Variants in TRPC4 observed in about 807,000 individuals in gnomAD.
The protein encoded by TRPC4 is transient receptor potential cation channel subfamily C member 4.
Under a neutral mutation model 99.4 loss-of-function variants are expected in TRPC4, and 49 were observed. The ratio of observed to expected loss-of-function variants is 0.49; its 90% CI spans 0.39 to 0.63. TRPC4 has a LOEUF of 0.63. TRPC4 is among the 20% of genes least tolerant of loss of function. The pLI is 0.00. For synonymous variants in TRPC4, 454 were observed against 425.9 expected (o/e 1.07, Z -0.81); for missense variants, 898 against 1,152.9 (o/e 0.78, Z 3.20).
intron 3 of TRPC4, among the ~76,000 whole-genome samples, chr13:37,698,647 T>C (rs1382443594): frequency 1.3e-5 from 2 of 152,180 alleles, no homozygotes; most frequent in Non-Finnish European, 2.9e-5. Flanking sequence ...TTCTATGGTG[T>C]AGTTTTAGTA....
chr13:37,682,664 G>A (rs1478852264), intron 4 of TRPC4, among the ~76,000 whole-genome samples: 2 of 152,136 alleles, frequency 1.3e-5, no homozygotes, highest in African/African-American at 2.4e-5. Flanking sequence ...CTCTCCTTCC[G>A]TAATCTGTAA....
At chr13:37,655,057 C>T (rs775199931) in intron 7 of TRPC4, 31 bp downstream of exon 7, 46 of 1,435,240 alleles carry the variant, frequency 3.2e-5, no homozygotes, top group Non-Finnish European at 3.9e-5. Flanking sequence ...CTAGAGGAAA[C>T]ATTGAATTAA....
At chr13:37,663,300 A>G in intron 6 of TRPC4, 116 bp downstream of exon 6, 1 of 972,920 alleles carries the variant, frequency 1.0e-6, no homozygotes, top group Admixed American at 3.2e-5. Flanking sequence ...TGCATTAAGC[A>G]CAATTTTAGT....
chr13:37,690,723 T>C (rs560793984), intron 4 of TRPC4, among the ~76,000 whole-genome samples: 1 of 152,352 alleles, frequency 6.6e-6, no homozygotes, highest in Non-Finnish European at 1.5e-5. Context: ...TCAAATCTTG[T>C]CCCTATTAAC....
Position 37,633,669 on chromosome 13 carries a change from C to G in TRPC4, c.*3234G>C, listed in dbSNP as rs1457838178. ...CTAAAGTATTTCAAGTTGCTGTCTACGTCAAGGCAAGAAAGTGAGTATGTT... is the reference window on the plus strand; with the variant it reads ...CTAAAGTATTTCAAGTTGCTGTCTAGGTCAAGGCAAGAAAGTGAGTATGTT... On this transcript the variant is annotated 3_prime_UTR_variant, in exon 11 of 11. Transcript: ENST00000379705. 6.6e-6 allele frequency among the ~76,000 whole-genome samples: 1 copy of G among 152,046 alleles called. No individual in the cohort carries two copies. Among genetic ancestry groups the G allele is most frequent in the Admixed American group, 6.6e-5 (1 of 15,258 alleles).
At chr13:37,702,086 G>A (rs1337060205) in intron 3 of TRPC4, among the ~76,000 whole-genome samples, 1 of 152,102 alleles carries the variant, frequency 6.6e-6, no homozygotes, top group Non-Finnish European at 1.5e-5. Flanking sequence ...TGAATTCAAG[G>A]CATTCCTTGG....
chr13:37,691,790 G>C (rs773726236), intron 4 of TRPC4, among the ~76,000 whole-genome samples: 18 of 152,182 alleles, frequency 1.2e-4, no homozygotes, highest in Non-Finnish European at 1.6e-4. Flanking sequence ...TAAAATTTAA[G>C]GTTACGTTTC....
intron 1 of TRPC4, among the ~76,000 whole-genome samples, chr13:37,784,595 A>G (rs1288342726): frequency 6.6e-6 from 1 of 152,090 alleles, no homozygotes; most frequent in Non-Finnish European, 1.5e-5. Context: ...GCTCTGCAAA[A>G]TTAAAATGAA....
Position 37,746,328 on chromosome 13 carries a change from G to A in TRPC4, c.506C>T (p.Pro169Leu). The A allele has an allele frequency of 6.2e-7, 1 of 1,613,738 alleles. No homozygotes were observed. The highest frequency in any genetic ancestry group is 8.5e-7 in the Non-Finnish European group (1 of 1,179,862). ...GTTACAGCGGACCTCGTGGGGTCGA[G>A]GCACTGAGACTCCTTTCTGAACCAA... ...KLLVQKGVSV[P>L]RPHEVRCNCV... Residue 169 changes from proline to leucine, a missense_variant, in exon 3 of 11, where the codon CCT becomes CTT. Pro to Leu is a moderately conservative substitution (Grantham distance 98). This residue lies in a region of TRPC4 where 278 missense variants were observed against 346.6 expected (regional missense o/e 0.80). Transcript: ENST00000379705.
At position 37,632,063 on chromosome 13, in the gene TRPC4, T is replaced by C. The variant is rs1951407880; in HGVS notation, c.*4840A>G. ...AGTGAGTCCATTAGGAGATTAGGAA[T>C]CAAGGAGAGACTGCAAACTTTAATA... On this transcript the variant is annotated 3_prime_UTR_variant, in exon 11 of 11. Coordinates refer to ENST00000379705, the MANE Select transcript of TRPC4 (RefSeq NM_016179.4). Among the ~76,000 whole-genome samples the C allele has an allele frequency of 6.6e-6, 1 of 152,168 alleles. No homozygotes were observed. The highest frequency in any genetic ancestry group is 1.5e-5 in the Non-Finnish European group (1 of 68,030).
intron 1 of TRPC4, among the ~76,000 whole-genome samples, chr13:37,811,833 A>G (rs1269935032): frequency 6.6e-6 from 1 of 152,032 alleles, no homozygotes; most frequent in Non-Finnish European, 1.5e-5. Context: ...TTAGCTGTGG[A>G]AAAACTGCTG....
intron 1 of TRPC4, among the ~76,000 whole-genome samples, chr13:37,803,282 G>T (rs1164517538): frequency 6.6e-6 from 1 of 152,034 alleles, no homozygotes; most frequent in African/African-American, 2.4e-5. Flanking sequence ...TTTTAATGAA[G>T]CATGGTGTTT....
At chr13:37,671,837 T>C (rs1952855572) in intron 5 of TRPC4, among the ~76,000 whole-genome samples, 1 of 152,200 alleles carries the variant, frequency 6.6e-6, no homozygotes, top group African/African-American at 2.4e-5. Flanking sequence ...TACATTGTGC[T>C]AAATGCAAAT....
At chr13:37,714,213 G>A (rs1954585626) in intron 3 of TRPC4, among the ~76,000 whole-genome samples, 1 of 151,542 alleles carries the variant, frequency 6.6e-6, no homozygotes, top group Non-Finnish European at 1.5e-5. Flanking sequence ...TGCAACCTCT[G>A]CCTCCTGGGT....
chr13:37,769,998 C>T (rs1593701707), intron 2 of TRPC4, among the ~76,000 whole-genome samples: 2 of 151,512 alleles, frequency 1.3e-5, no homozygotes, highest in East Asian at 2.0e-4. Flanking sequence ...AATAGTAAGT[C>T]GTGGAGCCAG....
intron 2 of TRPC4, among the ~76,000 whole-genome samples, chr13:37,751,581 C>T (rs1389006309): frequency 6.6e-6 from 1 of 152,064 alleles, no homozygotes; most frequent in East Asian, 1.9e-4. Flanking sequence ...TTCTTTCCCT[C>T]CACTACTGCA....
intron 3 of TRPC4, among the ~76,000 whole-genome samples, chr13:37,741,167 A>G (rs1245375381): frequency 2.0e-5 from 3 of 152,198 alleles, no homozygotes; most frequent in Non-Finnish European, 4.4e-5. Flanking sequence ...ACTTCACAAT[A>G]TTGTCAATCA....
At chr13:37,663,790 G>T in intron 5 of TRPC4, 61 bp from the exon 6 acceptor site, 1 of 1,401,008 alleles carries the variant, frequency 7.1e-7, no homozygotes. Flanking sequence ...AATAGATCAA[G>T]GTCAGACCCA....
At chr13:37,842,530 A>C (rs1234108134) in intron 1 of TRPC4, among the ~76,000 whole-genome samples, 1 of 152,040 alleles carries the variant, frequency 6.6e-6, no homozygotes, top group African/African-American at 2.4e-5. Flanking sequence ...AAGGCACAAA[A>C]TTTTTATCTC....
Sources: gnomAD v4.1 joint callset for allele counts (sites outside exome capture counted in the v4.1 genomes callset) on GRCh38, gnomAD v4.1.1 for gene constraint, gnomAD v4.1.1 regional missense constraint, MANE v1.5 for transcripts, NCBI Gene and HGNC (gene_info 2026-07-23, HGNC 2026-07-21) for gene names.